Variants in SHANK2 observed in about 807,000 individuals in gnomAD.
SHANK2 encodes SH3 and multiple ankyrin repeat domains protein 2.
A neutral mutation model predicts 133.7 loss-of-function variants in SHANK2; 43 were observed. That is an observed-to-expected ratio of 0.32 (90% CI 0.25 to 0.41). The LOEUF (loss-of-function observed/expected upper bound fraction) is 0.41. Ranked by LOEUF, SHANK2 falls within the 10% of genes least tolerant of loss-of-function variation. The pLI, the probability that SHANK2 is intolerant of heterozygous loss-of-function variation, is 1.00. For missense variants in SHANK2, 1,994 were observed against 2,235.8 expected (o/e 0.89, Z 2.18); for synonymous variants, 1,017 against 952.8 (o/e 1.07, Z -1.24).
At chr11:70,524,679 G>A (rs1355602007) in intron 17 of SHANK2, among the ~76,000 whole-genome samples, 2 of 152,158 alleles carry the variant, frequency 1.3e-5, no homozygotes, top group Admixed American at 6.5e-5. Context: ...ATGACATTAC[G>A]GTAACTAGAT....
rs1206778145 is a variant in SHANK2, at chr11:70,569,066, G to A, written c.2062-66135C>T. Among the ~76,000 whole-genome samples, 3 of 152,150 alleles carry A rather than the reference G, an allele frequency of 2.0e-5. No homozygotes were observed. The highest frequency in any genetic ancestry group is 4.8e-5 in the African/African-American group (2 of 41,444). ...GCAGCATGCAGGCCCCACTCCTGCC[G>A]CTGGACTTACAGTGAACGGAGCCAG... is the stretch of plus-strand genomic sequence containing the variant. On this transcript the variant is annotated intron_variant, in intron 17 of 25. Transcript: ENST00000601538. The surrounding 1 kb of genome is among the most constrained non-coding windows in gnomAD (Gnocchi z 5.1).
chr11:71,174,768 G>C (rs1229492716), intron 2 of SHANK2: 1 of 152,172 alleles, frequency 6.6e-6, no homozygotes, highest in Non-Finnish European at 1.5e-5. Flanking sequence ...CAGGAGAATT[G>C]CTTGAGTCTA....
At chr11:71,214,645 G>A (rs971654020) in intron 2 of SHANK2, among the ~76,000 whole-genome samples, 6 of 152,196 alleles carry the variant, frequency 3.9e-5, no homozygotes, top group African/African-American at 1.4e-4. Context: ...GAAGCTAACT[G>A]GAGTCAGGCC....
intron 8 of SHANK2, among the ~76,000 whole-genome samples, chr11:71,081,312 T>C (rs1430226657): frequency 6.6e-6 from 1 of 152,218 alleles, no homozygotes; most frequent in Non-Finnish European, 1.5e-5. Context: ...GTGGCAGCCC[T>C]ATGCAGCAAA....
chr11:70,640,720 T>G (rs1555006008), intron 17 of SHANK2, among the ~76,000 whole-genome samples: 1 of 152,224 alleles, frequency 6.6e-6, no homozygotes, highest in East Asian at 1.9e-4. Context: ...TCTCCCATTC[T>G]CTAGAACAGT....
intron 5 of SHANK2, among the ~76,000 whole-genome samples, chr11:71,112,548 G>C (rs1269138294): frequency 6.6e-6 from 1 of 152,168 alleles, no homozygotes; most frequent in Non-Finnish European, 1.5e-5. Flanking sequence ...AAAGGGAAGC[G>C]CTTCAGGCAG....
intron 17 of SHANK2, among the ~76,000 whole-genome samples, chr11:70,620,122 C>T (rs533454934): frequency 6.6e-6 from 1 of 152,182 alleles, no homozygotes; most frequent in East Asian, 1.9e-4. Flanking sequence ...AAGCCCTAGC[C>T]CCCTCCCAAA....
At chr11:71,159,237 C>T (rs2135457423) in intron 2 of SHANK2, among the ~76,000 whole-genome samples, 1 of 152,320 alleles carries the variant, frequency 6.6e-6, no homozygotes, top group South Asian at 2.1e-4. Context: ...TTGCCTTTCT[C>T]GCATGTTGGT....
At chr11:71,170,385 A>C (rs1489093164) in intron 2 of SHANK2, among the ~76,000 whole-genome samples, 1 of 152,228 alleles carries the variant, frequency 6.6e-6, no homozygotes, top group African/African-American at 2.4e-5. Context: ...TATATTTATC[A>C]CTTATCCAAA....
chr11:71,092,537 G>C lies in SHANK2; in HGVS notation c.797C>G (p.Thr266Ser), dbSNP rs1555094310. The change falls in exon 8 of 26, where the codon ACC (threonine) becomes AGC (serine). Residue 266 changes from threonine to serine, a missense_variant. Physicochemically the swap from Thr to Ser is moderately conservative, Grantham distance 58. Around this residue, in one of 5 missense-constraint regions of SHANK2, gnomAD observed 653 missense variants for 563.4 expected, o/e 1.16. Transcript: ENST00000601538. ...SPDYKDSYGL[T>S]PLYHTAIVGG... ...GACGATGGCTGTGTGATACAGCGGG[G>C]TGAGGCCGTAACTGTCTTTATAATC... 1 of 1,551,932 alleles carries C rather than the reference G, an allele frequency of 6.4e-7. No individual in the cohort carries two copies. Among genetic ancestry groups the C allele is most frequent in the African/African-American group, 1.4e-5 (1 of 73,158 alleles).
Position 70,501,924 on chromosome 11 carries a change from T to G in SHANK2, c.2286A>C (p.Lys762Asn). 1 of 1,559,924 alleles carries G rather than the reference T, an allele frequency of 6.4e-7. No individual in the cohort carries two copies. The highest frequency in any genetic ancestry group is 2.4e-5 in the East Asian group (1 of 41,828). ...MTSELEELVDKASVRKKKDKP... is the reference protein window; with the variant it reads ...MTSELEELVDNASVRKKKDKP... ...TGGGGACCCAGTGGGGCTGCTTACC[T>G]TTATCCACTAGTGAGAGGCCCAAAA... is the stretch of plus-strand genomic sequence containing the variant. Residue 762 changes from lysine (K) to asparagine (N), a missense_variant and splice_region_variant, in exon 20 of 26, where the codon AAA (lysine) becomes AAC (asparagine). Transcript: ENST00000601538.
chr11:70,600,758 C>T (rs1013794708), intron 17 of SHANK2, among the ~76,000 whole-genome samples: 1 of 152,106 alleles, frequency 6.6e-6, no homozygotes, highest in Non-Finnish European at 1.5e-5. Context: ...AAATTAGATC[C>T]ATGCCTCACA....
At chr11:70,931,683 A>AGGTGTCT (rs1201931407) in intron 10 of SHANK2, among the ~76,000 whole-genome samples, 2 of 152,220 alleles carry the variant, frequency 1.3e-5, no homozygotes, top group Admixed American at 6.5e-5. Flanking sequence ...CTGGATGCCA[A>AGGTGTCT]GGACACAGCT....
intron 17 of SHANK2, among the ~76,000 whole-genome samples, chr11:70,505,829 G>A (rs1336074628): frequency 6.6e-6 from 1 of 151,934 alleles, no homozygotes; most frequent in Non-Finnish European, 1.5e-5. Flanking sequence ...CTGGGGATGT[G>A]GCCTCTGACT....
chr11:70,907,609 G>C (rs1393852188), intron 10 of SHANK2: 3 of 170,068 alleles, frequency 1.8e-5, no homozygotes, highest in Non-Finnish European at 3.8e-5. Context: ...ATTGAATGCA[G>C]AGATCCATAT....
chr11:70,684,296 G>A (rs922287488), intron 15 of SHANK2, among the ~76,000 whole-genome samples: 3 of 152,128 alleles, frequency 2.0e-5, no homozygotes, highest in South Asian at 2.1e-4. Context: ...TGGGCACGGC[G>A]CATGCATCCC....
intron 2 of SHANK2, among the ~76,000 whole-genome samples, chr11:71,151,878 G>A (rs1267901167): frequency 6.6e-6 from 1 of 152,150 alleles, no homozygotes; most frequent in Admixed American, 6.5e-5. Flanking sequence ...GTGAACACAC[G>A]CTGGGTGGGA....
In SHANK2 at chr11:70,903,391, TAAATAAAATAAAATA is replaced by T. The variant is rs61298155; in HGVS notation, c.1108-6839_1108-6825del. On this transcript the variant is annotated intron_variant, in intron 10 of 25. Coordinates refer to ENST00000601538, the MANE Select transcript of SHANK2 (RefSeq NM_012309.5). ...GACTCTGTCTCAAAATAAAATAAAG[TAAATAAAATAAAATA>T]AAATAAAATAAAATAAAATAAAATA... Among the ~76,000 whole-genome samples the T allele has an allele frequency of 6.9e-3, 870 of 125,848 alleles. 5 individuals are homozygous for T. Among genetic ancestry groups the T allele is most frequent in the East Asian group, 0.021 (90 of 4,350 alleles). 82.6% of individuals were successfully genotyped at this position (125,848 alleles called of 152,430 possible). A position where few individuals can be genotyped will look rare whatever the true frequency, so the allele number is the denominator to read the frequency against.
intron 1 of SHANK2, among the ~76,000 whole-genome samples, chr11:71,242,558 G>GC (rs1412389174): frequency 6.6e-6 from 1 of 152,056 alleles, no homozygotes; most frequent in Non-Finnish European, 1.5e-5. Flanking sequence ...TAAAACAGCA[G>GC]CCCCCCTGGC....
Sources: gnomAD v4.1 joint callset for allele counts (sites outside exome capture counted in the v4.1 genomes callset) on GRCh38, gnomAD v4.1.1 for gene constraint, gnomAD v4.1.1 regional missense constraint, Gnocchi (gnomAD v3.1) non-coding constraint, MANE v1.5 for transcripts, NCBI Gene and HGNC (gene_info 2026-07-23, HGNC 2026-07-21) for gene names.